VPS13D: variants seen among roughly 807,000 people sequenced by gnomAD.
The protein encoded by VPS13D is vacuolar protein sorting 13 homolog D.
A neutral mutation model predicts 461.9 loss-of-function variants in VPS13D; 187 were observed. That is an observed-to-expected ratio of 0.40 (90% CI 0.36 to 0.46). The LOEUF (loss-of-function observed/expected upper bound fraction) is 0.46. Among genes scored for constraint, VPS13D ranks in the 20% least tolerant of loss-of-function variants. The pLI is 0.60. For missense variants in VPS13D, 4,711 were observed against 5,364.9 expected, an observed-to-expected ratio of 0.88 and a Z score of 3.81; for synonymous variants, 1,951 against 1,986.3, an observed-to-expected ratio of 0.98 and a Z score of 0.47.
rs2101372128 is a variant in VPS13D, at chr1:12,279,770, T to C, written c.4602+120T>C. 3 of 890,074 alleles carry C rather than the reference T, an allele frequency of 3.4e-6. 1 individual carries two copies. The South Asian group carries it at 1.3e-4, about 38-fold the overall frequency. 55.1% of individuals were successfully genotyped at this position (890,074 alleles called of 1,614,324 possible). A position where few individuals can be genotyped will look rare whatever the true frequency, so the allele number is the denominator to read the frequency against. Reference sequence around the variant, plus strand: ...TATATTTTCAAAGATATATCACCCATGCATAATACCATTGTTGAAACCTTG... The same window carrying C: ...TATATTTTCAAAGATATATCACCCACGCATAATACCATTGTTGAAACCTTG... On this transcript the variant is annotated intron_variant, in intron 20 of 69. Transcript: ENST00000620676. This position sits in a 1 kb window ranked among gnomAD's most constrained non-coding sequence, Gnocchi z 4.3.
Position 12,277,973 on chromosome 1 carries a change from C to A in VPS13D, c.4385C>A (p.Ala1462Asp). The stretch of plus-strand genomic sequence containing the variant: ...TGCCCACCTTCCGGGTCTGGCAGTG[C>A]CAACAGTCAGGAGGAAGCTCATTTC... ...MFCPPSGSGSANSQEEAHFTR... is the reference protein window; with the variant it reads ...MFCPPSGSGSDNSQEEAHFTR... The change falls in exon 19 of 70, where the codon GCC becomes GAC. Residue 1462 changes from alanine (A) to aspartate (D), a missense_variant. This residue lies in a region of VPS13D where 4,411 missense variants were observed against 4,937.8 expected (regional missense o/e 0.89). Coordinates refer to ENST00000620676, the MANE Select transcript of VPS13D (RefSeq NM_015378.4). 2 of 1,614,158 alleles carry A rather than the reference C, an allele frequency of 1.2e-6. No individual in the cohort carries two copies. Among genetic ancestry groups the A allele is most frequent in the Non-Finnish European group, 1.7e-6 (2 of 1,180,022 alleles).
intron 59 of VPS13D, among the ~76,000 whole-genome samples, chr1:12,385,974 TG>T (rs751243576): frequency 1.9e-4 from 29 of 152,156 alleles, no homozygotes; most frequent in African/African-American, 9.7e-5. Context: ...GAGTTCTCGT[TG>T]GGGTGAAGGG....
chr1:12,238,800 T>C (rs1280214074), intron 2 of VPS13D, among the ~76,000 whole-genome samples: 3 of 151,696 alleles, frequency 2.0e-5, no homozygotes, highest in Non-Finnish European at 4.4e-5. Flanking sequence ...CATACCTGGG[T>C]GATTTTTTAT....
At chr1:12,500,123 G>A (rs1227776670) in intron 68 of VPS13D, 1 of 985,208 alleles carries the variant, frequency 1.0e-6, no homozygotes, top group African/African-American at 1.7e-5. Context: ...GAAGTCCCCA[G>A]TGCCTTGGTG....
chr1:12,242,370 A>G, intron 2 of VPS13D, 143 bp from the exon 3 acceptor site: 2 of 671,424 alleles, frequency 3.0e-6, no homozygotes, highest in Non-Finnish European at 5.1e-6. Flanking sequence ...CCCGTTCTAG[A>G]TGTAAAACTT....
chr1:12,460,956 G>A (rs1380341441), intron 67 of VPS13D, among the ~76,000 whole-genome samples: 2 of 152,160 alleles, frequency 1.3e-5, no homozygotes, highest in South Asian at 2.1e-4. Flanking sequence ...CCCCCAGCAG[G>A]TCAGCAGTTC....
intron 68 of VPS13D, 26 bp from the exon 69 acceptor site, chr1:12,506,827 T>G: frequency 6.2e-7 from 1 of 1,608,510 alleles, no homozygotes; most frequent in Non-Finnish European, 8.5e-7. Flanking sequence ...CAGGTGTCAC[T>G]CCTGTGTTCC....
intron 65 of VPS13D, among the ~76,000 whole-genome samples, chr1:12,449,876 G>C (rs989043893): frequency 2.6e-5 from 4 of 152,126 alleles, no homozygotes; most frequent in African/African-American, 9.7e-5. Flanking sequence ...TGTAATCCTA[G>C]CACCTCGTGG....
chr1:12,302,283 T>C (rs1442915037), intron 25 of VPS13D, among the ~76,000 whole-genome samples: 2 of 152,194 alleles, frequency 1.3e-5, no homozygotes, highest in African/African-American at 4.8e-5. Context: ...TTTGAGGCCA[T>C]ACTAAAATTT....
intron 67 of VPS13D, among the ~76,000 whole-genome samples, chr1:12,484,975 CGTGTGT>C (rs970095456): frequency 1.3e-5 from 2 of 151,206 alleles, no homozygotes; most frequent in African/African-American, 4.9e-5. Flanking sequence ...TGTACACACA[CGTGTGT>C]GTGTGTGTGT....
At position 12,276,600 on chromosome 1, in the gene VPS13D, C is replaced by T; in HGVS notation, c.3012C>T (p.Leu1004=). The T allele has an allele frequency of 6.2e-7, 1 of 1,614,188 alleles. No homozygotes were observed. Among genetic ancestry groups the T allele is most frequent in the Non-Finnish European group, 8.5e-7 (1 of 1,180,028 alleles). The part of the protein sequence containing the change: ...AEVSLTVHGL[L]LVDTMQTYGA... ...TCTCCCTAACTGTTCATGGTTTGCT[C>T]CTGGTGGATACCATGCAGACATATG... The change falls in exon 19 of 70, where the codon CTC becomes CTT. Residue 1004 remains leucine, a synonymous_variant. Transcript: ENST00000620676. The surrounding 1 kb of genome is among the most constrained non-coding windows in gnomAD (Gnocchi z 4.5).
chr1:12,396,385 T>A (rs919024528), intron 60 of VPS13D, among the ~76,000 whole-genome samples: 1 of 152,180 alleles, frequency 6.6e-6, no homozygotes, highest in African/African-American at 2.4e-5. Context: ...AGTTTTTTAT[T>A]AACTTTCGGA....
chr1:12,415,335 A>C, intron 64 of VPS13D, 114 bp downstream of exon 64: 1 of 1,386,396 alleles, frequency 7.2e-7, no homozygotes, highest in Non-Finnish European at 1.0e-6. Context: ...AAACATTTCA[A>C]CTCTGTTGTG....
intron 63 of VPS13D, among the ~76,000 whole-genome samples, chr1:12,409,615 C>T (rs1010623570): frequency 3.9e-5 from 6 of 152,112 alleles, no homozygotes; most frequent in African/African-American, 9.7e-5. Context: ...GTAATATTAG[C>T]ATGAAAAAGT....
At chr1:12,289,824 G>A (rs1440315926) in intron 22 of VPS13D, among the ~76,000 whole-genome samples, 1 of 152,040 alleles carries the variant, frequency 6.6e-6, no homozygotes, top group South Asian at 2.1e-4. Context: ...TAGTCCCAGC[G>A]ACTCAGGAGG....
At chr1:12,370,304 C>A (rs1215851787) in intron 54 of VPS13D, among the ~76,000 whole-genome samples, 1 of 152,144 alleles carries the variant, frequency 6.6e-6, no homozygotes, top group Non-Finnish European at 1.5e-5. Context: ...GTCATTCTAC[C>A]AACATATAAA....
intron 24 of VPS13D, among the ~76,000 whole-genome samples, chr1:12,295,256 TA>T (rs1393308059): frequency 6.6e-6 from 1 of 150,590 alleles, no homozygotes; most frequent in Non-Finnish European, 1.5e-5. Flanking sequence ...CTTTATTAGG[TA>T]AAAGATTATA....
intron 54 of VPS13D, among the ~76,000 whole-genome samples, chr1:12,371,727 T>C (rs1644120759): frequency 6.6e-6 from 1 of 152,166 alleles, no homozygotes; most frequent in East Asian, 1.9e-4. Context: ...GTATTTTTTG[T>C]GGCTGAATAC....
chr1:12,358,565 C>T lies in VPS13D; in HGVS notation c.10105C>T (p.Gln3369Ter), dbSNP rs1402294301. 4 of 1,614,062 alleles carry T rather than the reference C, an allele frequency of 2.5e-6. No individual in the cohort carries two copies. In the African/African-American group the frequency reaches 5.3e-5, roughly 22 times the overall value. ...GSGVRALKVI[Q>*]QGNRPGLIYN... ...TGGTGTCCGAGCTTTGAAAGTCATC[C>T]AGCAAGGAAACCGCCCAGGGCTGAT... Residue 3369 changes from glutamine (Q) to a stop codon, truncating the protein, a stop_gained, in exon 50 of 70, where the codon CAG (glutamine) becomes TAG (stop). Transcript: ENST00000620676. LOFTEE classifies it high-confidence loss of function.
Sources: gnomAD v4.1 joint callset for allele counts (sites outside exome capture counted in the v4.1 genomes callset) on GRCh38, gnomAD v4.1.1 for gene constraint, gnomAD v4.1.1 regional missense constraint, Gnocchi (gnomAD v3.1) non-coding constraint, MANE v1.5 for transcripts, NCBI Gene and HGNC (gene_info 2026-07-23, HGNC 2026-07-21) for gene names.